The following CNTN4 variants were observed in gnomAD, a reference collection of about 807,000 sequenced individuals.
The protein encoded by CNTN4 is contactin 4.
A neutral mutation model predicts 122.5 loss-of-function variants in CNTN4; 77 were observed. The observed-to-expected ratio is 0.63, with a 90% CI of 0.52 to 0.76. The LOEUF is 0.76. Ranked by LOEUF, CNTN4 falls within the 30% of genes least tolerant of loss-of-function variation. The pLI is 0.00. For missense variants in CNTN4, 1,256 were observed against 1,259.1 expected (o/e 1.00, Z 0.04); for synonymous variants, 512 against 447.0 (o/e 1.15, Z -1.83).
At chr3:2,875,097 C>G in intron 8 of CNTN4, among the ~76,000 whole-genome samples, 1 of 152,050 alleles carries the variant, frequency 6.6e-6, no homozygotes, top group Non-Finnish European at 1.5e-5. Context: ...ATTCTCTTGC[C>G]CCAGCCTCCC....
chr3:2,863,469 A>G (rs1375882685), intron 7 of CNTN4, among the ~76,000 whole-genome samples: 4 of 102,332 alleles, frequency 3.9e-5, no homozygotes, highest in Non-Finnish European at 8.0e-5. Flanking sequence ...TTTTTTCAGC[A>G]TAAGAAATGG....
chr3:2,511,983 A>G (rs1402665567), intron 3 of CNTN4, among the ~76,000 whole-genome samples: 1 of 152,208 alleles, frequency 6.6e-6, no homozygotes, highest in Non-Finnish European at 1.5e-5. Flanking sequence ...TGATTAGAGC[A>G]TATATTTATC....
At chr3:2,685,530 C>G (rs1485084326) in intron 4 of CNTN4, among the ~76,000 whole-genome samples, 5 of 152,100 alleles carry the variant, frequency 3.3e-5, no homozygotes, top group African/African-American at 1.2e-4. Context: ...ATTGAAGGGT[C>G]CTTCCAAACA....
At chr3:2,348,199 C>G (rs62244017) in intron 3 of CNTN4, among the ~76,000 whole-genome samples, 19,354 of 152,154 alleles carry the variant, frequency 0.13, 1,532 homozygotes, top group Non-Finnish European at 0.18. Flanking sequence ...TTGTTAACTT[C>G]TTGCATTTTA....
At chr3:2,706,204 T>A (rs779016897) in intron 4 of CNTN4, among the ~76,000 whole-genome samples, 1 of 151,698 alleles carries the variant, frequency 6.6e-6, no homozygotes, top group African/African-American at 2.4e-5. Context: ...AGTGACATAA[T>A]GCATAATGCC....
intron 13 of CNTN4, among the ~76,000 whole-genome samples, chr3:2,931,632 A>G (rs1226142425): frequency 1.3e-5 from 2 of 151,900 alleles, no homozygotes; most frequent in African/African-American, 4.8e-5. Context: ...TTGTTTATTT[A>G]TTTATTATTT....
rs2086163824 is a variant in CNTN4 at position 2,698,373 on chromosome 3, C to A, written c.56-37842C>A. Among the ~76,000 whole-genome samples, 2 of 152,118 alleles carry A rather than the reference C, an allele frequency of 1.3e-5. 1 individual carries two copies. The highest frequency in any genetic ancestry group is 4.1e-4 in the South Asian group (2 of 4,830). ...GCCTGTGTTGTACCTGAGTCTGGAA[C>A]TTTGCAAGGCACTTTATGTTGAGGA... On this transcript the variant is annotated intron_variant, in intron 4 of 24. Transcript: ENST00000418658.
rs1054795706 is a variant in CNTN4, at chr3:2,925,510, A to G, written c.1208-119A>G. ...GGAGGTTGCAGTGAGCCAAGATTGC[A>G]CCACTGCACTGGCAACAGAGCAAGA... is the stretch of plus-strand genomic sequence containing the variant. On this transcript the variant is annotated intron_variant, in intron 12 of 24. Coordinates refer to ENST00000418658, the MANE Select transcript of CNTN4 (RefSeq NM_175607.3). 41 of 1,076,464 alleles carry G rather than the reference A, an allele frequency of 3.8e-5. 1 individual carries two copies. In the South Asian group the frequency reaches 6.0e-4, roughly 16 times the overall value. The allele number at this position is 1,076,464 out of a possible 1,614,324, so 66.7% of individuals were successfully genotyped here.
At chr3:2,099,766 C>G (rs2031744060) in intron 1 of CNTN4, 1 of 152,314 alleles carries the variant, frequency 6.6e-6, no homozygotes, top group Admixed American at 6.5e-5. Context: ...CGTCCCCTCC[C>G]CGGGCCCAGA....
chr3:3,026,367 A>G, intron 15 of CNTN4, 90 bp downstream of exon 15: 1 of 1,153,524 alleles, frequency 8.7e-7, no homozygotes, highest in Non-Finnish European at 1.3e-6. Context: ...AATTTTGTTC[A>G]AGTAATCTTA....
At position 2,376,773 on chromosome 3, in the gene CNTN4, G is replaced by A. The variant is rs147638896; in HGVS notation, c.-89+37540G>A. ...ATATTTGCTTTCTTCTCTCATGTTG[G>A]TTGTGTGCTGACCATGCACTGACTC... On this transcript the variant is annotated intron_variant, in intron 3 of 24. Transcript: ENST00000418658. Among the ~76,000 whole-genome samples, 650 of 151,436 alleles carry A rather than the reference G, an allele frequency of 4.3e-3. 6 individuals are homozygous for A. The highest frequency in any genetic ancestry group is 0.014 in the African/African-American group (595 of 41,202).
Position 2,130,750 on chromosome 3 carries a change from A to G in CNTN4, c.-145+30111A>G, listed in dbSNP as rs188522816. Among the ~76,000 whole-genome samples, 24 of 152,324 alleles carry G rather than the reference A, an allele frequency of 1.6e-4. No homozygotes were observed. In the East Asian group the frequency reaches 3.9e-3, roughly 24 times the overall value. On this transcript the variant is annotated intron_variant, in intron 2 of 24. Transcript: ENST00000418658. ...TTTGAATAAACAGGTTTTTTGAATA[A>G]TAGTAACTTACATATCTATAGTCTC...
chr3:2,982,212 G>A (rs1694090782), intron 13 of CNTN4, among the ~76,000 whole-genome samples: 2 of 152,084 alleles, frequency 1.3e-5, no homozygotes, highest in South Asian at 4.1e-4. Context: ...ATTATAGATA[G>A]CATTCGTCAA....
chr3:2,262,870 A>G (rs935599095), intron 2 of CNTN4, among the ~76,000 whole-genome samples: 2 of 152,126 alleles, frequency 1.3e-5, no homozygotes, highest in African/African-American at 4.8e-5. Flanking sequence ...CCATGATGTC[A>G]GGGATCCAGG....
intron 3 of CNTN4, among the ~76,000 whole-genome samples, chr3:2,427,902 T>G (rs1188910078): frequency 1.3e-5 from 2 of 151,890 alleles, no homozygotes; most frequent in African/African-American, 4.9e-5. Context: ...ACCCCTGCCT[T>G]TTTTTGTTTT....
At chr3:2,454,979 A>G (rs2048944603) in intron 3 of CNTN4, among the ~76,000 whole-genome samples, 1 of 152,172 alleles carries the variant, frequency 6.6e-6, no homozygotes, top group South Asian at 2.1e-4. Flanking sequence ...TTGATTATAA[A>G]TAACTAAAAG....
At chr3:2,325,267 A>G (rs1350247094) in intron 2 of CNTN4, among the ~76,000 whole-genome samples, 1 of 152,190 alleles carries the variant, frequency 6.6e-6, no homozygotes, top group Non-Finnish European at 1.5e-5. Flanking sequence ...AAAATGTAGA[A>G]CATGCTATCC....
At chr3:2,251,763 GT>G (rs201570955) in intron 2 of CNTN4, among the ~76,000 whole-genome samples, 1 of 150,302 alleles carries the variant, frequency 6.7e-6, no homozygotes, top group East Asian at 1.9e-4. Context: ...ATGTAGGTAG[GT>G]TTTTTTTTCT....
At chr3:2,586,494 T>A (rs1282081960) in intron 4 of CNTN4, among the ~76,000 whole-genome samples, 2 of 152,174 alleles carry the variant, frequency 1.3e-5, no homozygotes, top group East Asian at 3.9e-4. Flanking sequence ...GATTTCACCA[T>A]GTTGGCCAGG....
Sources: allele counts gnomAD v4.1 joint callset (sites outside exome capture counted in the v4.1 genomes callset), GRCh38; gene constraint gnomAD v4.1.1; transcripts MANE v1.5; gene names NCBI Gene and HGNC (gene_info 2026-07-23, HGNC 2026-07-21).